ARMH4: variants seen among roughly 807,000 people sequenced by gnomAD.
ARMH4 encodes armadillo-like helical domain-containing protein 4.
In ARMH4, 49 loss-of-function variants were observed where a neutral mutation model predicts 61.9. That is an observed-to-expected ratio of 0.79 (90% CI 0.63 to 1.00). The LOEUF is 1.00. ARMH4 is among the 50% of genes least tolerant of loss of function. The pLI is 0.00. For synonymous variants in ARMH4, 368 were observed against 341.5 expected (o/e 1.08, Z -0.85); for missense variants, 934 against 930.0 (o/e 1.00, Z -0.06).
chr14:58,020,279 C>T (rs11627591), intron 5 of ARMH4, among the ~76,000 whole-genome samples: 24,603 of 151,964 alleles, frequency 0.16, 2,623 homozygotes, highest in East Asian at 0.47. Flanking sequence ...TCACAGCTCA[C>T]GGGGCTTTCC....
intron 4 of ARMH4, among the ~76,000 whole-genome samples, chr14:58,120,401 A>G (rs564008820): frequency 3.1e-4 from 47 of 152,096 alleles, no homozygotes; most frequent in Non-Finnish European, 6.8e-4. Flanking sequence ...ACACCAATCC[A>G]GTGTTTTTCT....
chr14:58,124,973 A>G (rs549022069), intron 4 of ARMH4, among the ~76,000 whole-genome samples: 1 of 152,364 alleles, frequency 6.6e-6, no homozygotes, highest in South Asian at 2.1e-4. Context: ...CCATGCAGCA[A>G]TATGGAGAGA....
intron 3 of ARMH4, 132 bp downstream of exon 3, chr14:58,132,956 GGT>G (rs149751032): frequency 0.03 from 21,886 of 724,936 alleles, no homozygotes; most frequent in East Asian, 0.037. Context: ...TCCAGGTAAA[GGT>G]GTGTGTGTGT....
chr14:58,087,495 T>G (rs1463361484), intron 5 of ARMH4, among the ~76,000 whole-genome samples: 1 of 152,178 alleles, frequency 6.6e-6, no homozygotes, highest in East Asian at 1.9e-4. Flanking sequence ...CTTCATTACA[T>G]TAGCATTTGA....
intron 6 of ARMH4, among the ~76,000 whole-genome samples, chr14:58,008,811 C>T (rs921574813): frequency 2.0e-5 from 3 of 152,292 alleles, no homozygotes; most frequent in Non-Finnish European, 2.9e-5. Context: ...CATTGAGAAT[C>T]GCTGCTATGA....
At chr14:58,110,751 C>A (rs1886329262) in intron 4 of ARMH4, among the ~76,000 whole-genome samples, 1 of 151,826 alleles carries the variant, frequency 6.6e-6, no homozygotes, top group African/African-American at 2.4e-5. Context: ...GAGATGGAGT[C>A]CACTTTGTCA....
At chr14:58,081,088 C>A (rs1885210190) in intron 5 of ARMH4, among the ~76,000 whole-genome samples, 1 of 138,110 alleles carries the variant, frequency 7.2e-6, no homozygotes, top group Non-Finnish European at 1.6e-5. Context: ...GGACACAGAG[C>A]AAGACTCTGT....
At chr14:58,024,847 A>T (rs1454619381) in intron 5 of ARMH4, among the ~76,000 whole-genome samples, 2 of 152,308 alleles carry the variant, frequency 1.3e-5, no homozygotes, top group African/African-American at 4.8e-5. Flanking sequence ...ATGGGCAGTC[A>T]GTAGAACAGT....
intron 5 of ARMH4, among the ~76,000 whole-genome samples, chr14:58,027,846 G>T (rs1883077389): frequency 6.6e-6 from 1 of 152,168 alleles, no homozygotes; most frequent in East Asian, 1.9e-4. Flanking sequence ...AATATGTACA[G>T]CTTCTTATAC....
chr14:58,127,770 C>T (rs900068280), intron 4 of ARMH4, among the ~76,000 whole-genome samples: 2 of 152,008 alleles, frequency 1.3e-5, no homozygotes, highest in African/African-American at 2.4e-5. Flanking sequence ...CTGTGTGGTC[C>T]GCACCATGGC....
intron 5 of ARMH4, among the ~76,000 whole-genome samples, chr14:58,072,798 A>C (rs1884926799): frequency 1.3e-5 from 2 of 152,070 alleles, no homozygotes; most frequent in South Asian, 4.1e-4. Context: ...GAGTTCAAGG[A>C]AGAGCCATCT....
At position 58,004,792 on chromosome 14, in the gene ARMH4, T is replaced by A. The variant is rs759882651; in HGVS notation, c.2269A>T (p.Asn757Tyr). 2.5e-6 allele frequency: 4 copies of A among 1,611,272 alleles called. No homozygotes were observed. In the East Asian group the frequency reaches 6.7e-5, roughly 27 times the overall value. Residue 757 changes from asparagine (N) to tyrosine (Y), a missense_variant, in exon 8 of 8, where the codon AAC becomes TAC. By Grantham distance (143) the Asn-to-Tyr change is moderately radical (BLOSUM62 -2). Coordinates refer to ENST00000267485, the MANE Select transcript of ARMH4 (RefSeq NM_001001872.4). Reference protein sequence around the residue: ...KRHKRKQREFNSMQDRVMLLA... With the variant: ...KRHKRKQREFYSMQDRVMLLA... ...AGCATTACTCGATCTTGCATGCTGT[T>A]GAATTCTCTCTGCTAGAGAAAGAAA...
At chr14:58,133,378 C>T in intron 2 of ARMH4, 37 bp from the exon 3 acceptor site, 6 of 1,532,204 alleles carry the variant, frequency 3.9e-6, no homozygotes, top group South Asian at 2.5e-5. Context: ...TAGACCAAAT[C>T]CCTATTTTTT....
At chr14:58,071,852 G>A (rs1206287808) in intron 5 of ARMH4, among the ~76,000 whole-genome samples, 1 of 152,188 alleles carries the variant, frequency 6.6e-6, no homozygotes, top group African/African-American at 2.4e-5. Flanking sequence ...AAATAGTGCT[G>A]ACGACAAGGG....
At chr14:58,091,658 G>T (rs1049194550) in intron 5 of ARMH4, among the ~76,000 whole-genome samples, 1 of 152,188 alleles carries the variant, frequency 6.6e-6, no homozygotes, top group South Asian at 2.1e-4. Context: ...GATGATAATT[G>T]TGTGATTTAT....
At chr14:58,113,674 C>A (rs1409409669) in intron 4 of ARMH4, among the ~76,000 whole-genome samples, 1 of 151,998 alleles carries the variant, frequency 6.6e-6, no homozygotes, top group African/African-American at 2.4e-5. Flanking sequence ...CTCCATAAAG[C>A]TTAGCTTTTC....
intron 5 of ARMH4, among the ~76,000 whole-genome samples, chr14:58,053,914 G>A (rs578037283): frequency 6.6e-5 from 10 of 152,250 alleles, no homozygotes; most frequent in African/African-American, 1.9e-4. Context: ...ACCATACAGT[G>A]CTTATAAATA....
chr14:58,122,761 T>C (rs1273949842), intron 4 of ARMH4, among the ~76,000 whole-genome samples: 1 of 152,156 alleles, frequency 6.6e-6, no homozygotes, highest in East Asian at 1.9e-4. Context: ...TTAAAAAAGA[T>C]TGTCCAAATA....
Position 58,100,687 on chromosome 14 carries a change from A to C in ARMH4, c.1832-3706T>G, listed in dbSNP as rs571246335. On this transcript the variant is annotated intron_variant, in intron 4 of 7. Coordinates refer to ENST00000267485, the MANE Select transcript of ARMH4 (RefSeq NM_001001872.4). ...CATGTCTTTATTTTAGATTCTTGAC[A>C]GGTGTTTTCTCCTCCTCTTGGGGGT... Among the ~76,000 whole-genome samples, 116 of 152,300 alleles carry C rather than the reference A, an allele frequency of 7.6e-4. 1 individual carries two copies. The highest frequency in any genetic ancestry group is 5.7e-3 in the Admixed American group (88 of 15,306).
Sources: allele counts gnomAD v4.1 joint callset (sites outside exome capture counted in the v4.1 genomes callset), GRCh38; gene constraint gnomAD v4.1.1; transcripts MANE v1.5; gene names NCBI Gene and HGNC (gene_info 2026-07-23, HGNC 2026-07-21).